Variants in DKK2 observed in about 807,000 individuals in gnomAD.
DKK2 encodes the protein dickkopf Wnt signaling pathway inhibitor 2, also known as dickkopf-related protein 2.
Under a neutral mutation model 28.1 loss-of-function variants are expected in DKK2, and 11 were observed. That is an observed-to-expected ratio of 0.39 (90% CI 0.25 to 0.65). The LOEUF (loss-of-function observed/expected upper bound fraction) is 0.65. DKK2 is among the 30% of genes least tolerant of loss of function. DKK2 has a pLI of 0.47. For synonymous variants in DKK2, 135 were observed against 126.5 expected, an observed-to-expected ratio of 1.07 and a Z score of -0.45; for missense variants, 326 against 335.5, an observed-to-expected ratio of 0.97 and a Z score of 0.22.
At chr4:107,003,063 A>T (rs1723385699) in intron 1 of DKK2, among the ~76,000 whole-genome samples, 1 of 152,204 alleles carries the variant, frequency 6.6e-6, no homozygotes, top group South Asian at 2.1e-4. Context: ...GTCTACTGGA[A>T]CCTTGTTCCT....
chr4:107,027,954 G>A (rs1386954584), intron 1 of DKK2, among the ~76,000 whole-genome samples: 1 of 151,714 alleles, frequency 6.6e-6, no homozygotes. Flanking sequence ...GGGTTTCACC[G>A]TGTTAGCCAG....
intron 1 of DKK2, among the ~76,000 whole-genome samples, chr4:106,950,267 C>T (rs998668373): frequency 6.6e-6 from 1 of 152,162 alleles, no homozygotes; most frequent in Admixed American, 6.6e-5. Flanking sequence ...TGGAGCAATT[C>T]TAATTTCCCT....
chr4:106,980,744 T>C (rs1335058211), intron 1 of DKK2, among the ~76,000 whole-genome samples: 36 of 152,220 alleles, frequency 2.4e-4, no homozygotes, highest in Admixed American at 2.4e-3. Context: ...GGAAATTAAA[T>C]GCACTGTCAT....
chr4:107,033,980 C>T (rs1431035518), intron 1 of DKK2, among the ~76,000 whole-genome samples: 4 of 152,020 alleles, frequency 2.6e-5, no homozygotes, highest in Non-Finnish European at 4.4e-5. Flanking sequence ...CTTATTTTTC[C>T]TGAGACCTTA....
In DKK2 at chr4:106,924,165, A is replaced by G. The variant is rs1724391208; in HGVS notation, c.569T>C (p.Ile190Thr). Residue 190 changes from isoleucine (I) to threonine (T), a missense_variant, in exon 4 of 4, where the codon ATT (isoleucine) becomes ACT (threonine). Physicochemically the swap from Ile to Thr is moderately conservative, Grantham distance 89. Coordinates refer to ENST00000285311, the MANE Select transcript of DKK2 (RefSeq NM_014421.3). ...ATGACGAGCACAGCAAAACCCTTCA[A>G]TGCAGTCTGATGATCGTAGGCAGGG... is the stretch of plus-strand genomic sequence containing the variant. ...GDPCLRSSDC[I>T]EGFCCARHFW... 1 of 1,613,950 alleles carries G rather than the reference A, an allele frequency of 6.2e-7. No homozygotes were observed. Among genetic ancestry groups the G allele is most frequent in the Non-Finnish European group, 8.5e-7 (1 of 1,179,914 alleles).
At chr4:106,983,368 G>GAAAGAAAGA (rs35298593) in intron 1 of DKK2, among the ~76,000 whole-genome samples, 5,631 of 92,640 alleles carry the variant, frequency 0.061, 158 homozygotes, top group East Asian at 0.11. Context: ...AAGAAAGAAA[G>GAAAGAAAGA]AAGAAAGAAA....
intron 1 of DKK2, among the ~76,000 whole-genome samples, chr4:107,020,635 T>C (rs1448894067): frequency 1.3e-5 from 2 of 152,112 alleles, no homozygotes; most frequent in Non-Finnish European, 2.9e-5. Flanking sequence ...ACAAGTAATA[T>C]TATGATTATT....
intron 1 of DKK2, among the ~76,000 whole-genome samples, chr4:106,956,370 A>G (rs1722590429): frequency 6.6e-6 from 1 of 152,184 alleles, no homozygotes; most frequent in Non-Finnish European, 1.5e-5. Flanking sequence ...CAAGCTACCA[A>G]TGACTTTCTT....
intron 1 of DKK2, among the ~76,000 whole-genome samples, chr4:107,011,624 A>G (rs547051571): frequency 6.6e-6 from 1 of 151,562 alleles, no homozygotes; most frequent in Admixed American, 6.6e-5. Context: ...GTCAACATGT[A>G]ATAAAATAAC....
At chr4:106,999,806 T>A (rs1723334257) in intron 1 of DKK2, among the ~76,000 whole-genome samples, 1 of 152,236 alleles carries the variant, frequency 6.6e-6, no homozygotes, top group African/African-American at 2.4e-5. Flanking sequence ...TCGTATTAAA[T>A]TTTGATATTC....
At chr4:106,959,015 G>GTTAA (rs200676046) in intron 1 of DKK2, among the ~76,000 whole-genome samples, 2,298 of 151,792 alleles carry the variant, frequency 0.015, 28 homozygotes, top group Middle Eastern at 0.034. Context: ...GATAAGAAAG[G>GTTAA]TTAATATATG....
intron 1 of DKK2, among the ~76,000 whole-genome samples, chr4:106,953,159 C>A (rs1177343270): frequency 1.3e-5 from 2 of 152,094 alleles, no homozygotes; most frequent in South Asian, 4.1e-4. Context: ...TGTTTCAACT[C>A]CTTGTTCAAA....
intron 1 of DKK2, among the ~76,000 whole-genome samples, chr4:106,988,128 T>C (rs891920195): frequency 5.3e-5 from 8 of 152,170 alleles, no homozygotes; most frequent in African/African-American, 1.7e-4. Context: ...CCTCCCAAAG[T>C]GCTGGGATTA....
chr4:107,023,181 G>T (rs1300471097), intron 1 of DKK2, among the ~76,000 whole-genome samples: 1 of 151,952 alleles, frequency 6.6e-6, no homozygotes, highest in Non-Finnish European at 1.5e-5. Context: ...CATGTTATTA[G>T]AGAGTAATAA....
intron 1 of DKK2, among the ~76,000 whole-genome samples, chr4:106,939,142 C>T (rs889468626): frequency 3.3e-5 from 5 of 152,056 alleles, no homozygotes; most frequent in South Asian, 4.2e-4. Context: ...AAATAAAGGG[C>T]ATTCAATTAG....
chr4:106,950,560 G>T (rs920767325), intron 1 of DKK2, among the ~76,000 whole-genome samples: 8 of 151,948 alleles, frequency 5.3e-5, no homozygotes, highest in Non-Finnish European at 2.9e-5. Flanking sequence ...TTCTGCTAGT[G>T]CTTCTAGGTT....
chr4:107,021,075 A>G (rs1258393034), intron 1 of DKK2, among the ~76,000 whole-genome samples: 2 of 152,120 alleles, frequency 1.3e-5, no homozygotes, highest in African/African-American at 2.4e-5. Context: ...TCTAAACCCA[A>G]CTGAGGGTTT....
At chr4:106,968,731 CA>C (rs1722820006) in intron 1 of DKK2, among the ~76,000 whole-genome samples, 3 of 152,064 alleles carry the variant, frequency 2.0e-5, no homozygotes, top group Admixed American at 1.3e-4. Flanking sequence ...GCGTTCTGGA[CA>C]GTTTGGTTTT....
chr4:107,023,776 T>G (rs984809622), intron 1 of DKK2, among the ~76,000 whole-genome samples: 1 of 151,982 alleles, frequency 6.6e-6, no homozygotes, highest in Admixed American at 6.6e-5. Flanking sequence ...TTCAACTATT[T>G]TTCGAAACTA....
Sources: allele counts gnomAD v4.1 joint callset (sites outside exome capture counted in the v4.1 genomes callset), GRCh38; gene constraint gnomAD v4.1.1; transcripts MANE v1.5; gene names NCBI Gene and HGNC (gene_info 2026-07-23, HGNC 2026-07-21).